The following RBL1 variants were observed in gnomAD, a reference collection of about 807,000 sequenced individuals.
RBL1 encodes the protein retinoblastoma-like protein 1.
RBL1 carries 82 observed loss-of-function variants against 123.0 expected under a neutral mutation model. The observed-to-expected ratio is 0.67, with a 90% CI of 0.56 to 0.80. The LOEUF is 0.80. Among genes scored for constraint, RBL1 ranks in the 30% least tolerant of loss-of-function variants. The probability of loss-of-function intolerance (pLI) is 0.00; values close to 1 mark genes in which losing one functional copy is unlikely to be tolerated. For synonymous variants in RBL1, 405 were observed against 441.3 expected, an observed-to-expected ratio of 0.92 and a Z score of 1.03; for missense variants, 1,171 against 1,299.6, an observed-to-expected ratio of 0.90 and a Z score of 1.52.
intron 2 of RBL1, among the ~76,000 whole-genome samples, chr20:37,084,664 C>G (rs1349206549): frequency 1.3e-5 from 2 of 152,034 alleles, no homozygotes; most frequent in Admixed American, 1.3e-4. Flanking sequence ...CACCACTACA[C>G]TCCATCCTGA....
intron 2 of RBL1, among the ~76,000 whole-genome samples, chr20:37,084,701 C>T (rs752408735): frequency 2.0e-5 from 3 of 151,592 alleles, no homozygotes; most frequent in African/African-American, 7.3e-5. Flanking sequence ...CTGTCTCAAA[C>T]AAATAAAGAG....
chr20:37,031,291 T>C (rs2064507108), intron 16 of RBL1, among the ~76,000 whole-genome samples: 1 of 152,104 alleles, frequency 6.6e-6, no homozygotes. Flanking sequence ...GTAAATAGTA[T>C]ATTTTATAGG....
chr20:37,064,101 G>C (rs1224308754), intron 7 of RBL1, among the ~76,000 whole-genome samples: 2 of 151,326 alleles, frequency 1.3e-5, no homozygotes, highest in African/African-American at 4.9e-5. Flanking sequence ...GGGATTACAG[G>C]TGTGAGCCAC....
chr20:37,035,639 C>T (rs1240768052), intron 14 of RBL1, 131 bp from the exon 15 acceptor site: 1 of 766,562 alleles, frequency 1.3e-6, no homozygotes, highest in Non-Finnish European at 2.0e-6. Context: ...GGCCTTTGCC[C>T]TCATGGAATA....
intron 20 of RBL1, among the ~76,000 whole-genome samples, 185 bp from the exon 21 acceptor site, chr20:37,004,051 A>C (rs2064030688): frequency 6.6e-6 from 1 of 151,468 alleles, no homozygotes; most frequent in South Asian, 2.1e-4. Context: ...TAGATAAACT[A>C]GAATTTATTT....
intron 10 of RBL1, 51 bp downstream of exon 10, chr20:37,056,095 G>A (rs1446968759): frequency 1.3e-6 from 2 of 1,552,022 alleles, no homozygotes; most frequent in Admixed American, 4.2e-5. Flanking sequence ...TCTAATTTTG[G>A]GGGGATTACT....
chr20:37,037,415 G>A (rs534564460), intron 14 of RBL1, among the ~76,000 whole-genome samples: 1 of 152,310 alleles, frequency 6.6e-6, no homozygotes, highest in South Asian at 2.1e-4. Context: ...TAAATTATAT[G>A]AGAGGAAGGT....
At chr20:37,013,148 G>C (rs1238662543) in intron 19 of RBL1, among the ~76,000 whole-genome samples, 2 of 152,258 alleles carry the variant, frequency 1.3e-5, no homozygotes, top group African/African-American at 4.8e-5. Flanking sequence ...AATAGAAAGG[G>C]GGGAAAGGTG....
intron 1 of RBL1, among the ~76,000 whole-genome samples, chr20:37,092,604 C>T (rs1414726424): frequency 6.6e-6 from 1 of 152,180 alleles, no homozygotes; most frequent in African/African-American, 2.4e-5. Context: ...AAGTGATCCA[C>T]CTGCCTCAGC....
In RBL1 at chr20:37,055,577, T is replaced by TC; in HGVS notation, c.1442dup (p.Arg482LysfsTer33). 6.2e-7 allele frequency: 1 copy of TC among 1,614,190 alleles called. No individual in the cohort carries two copies. The highest frequency in any genetic ancestry group is 1.1e-5 in the South Asian group (1 of 91,088). ...CTGACATGTCCATTCCATGAAGTCT[T>TC]CGTGTTTCCTGAACCATTACAGTCT... On this transcript the variant is annotated frameshift_variant, in exon 11 of 22. Coordinates refer to ENST00000373664, the MANE Select transcript of RBL1 (RefSeq NM_002895.5). LOFTEE classifies it high-confidence loss of function.
intron 13 of RBL1, among the ~76,000 whole-genome samples, chr20:37,040,499 T>G (rs2064704529): frequency 6.6e-6 from 1 of 151,992 alleles, no homozygotes; most frequent in South Asian, 2.1e-4. Flanking sequence ...ACTACAGGTG[T>G]GTGCCATCAT....
chr20:37,089,579 G>C (rs779321388), intron 1 of RBL1, among the ~76,000 whole-genome samples: 1 of 151,562 alleles, frequency 6.6e-6, no homozygotes, highest in Non-Finnish European at 1.5e-5. Flanking sequence ...AGGAGTTCAA[G>C]ACTGCAGTGA....
rs77464858 is a variant in RBL1 at position 37,079,164 on chromosome 20, C to T, written c.290+9825G>A. On this transcript the variant is annotated intron_variant, in intron 2 of 21. Coordinates refer to ENST00000373664, the MANE Select transcript of RBL1 (RefSeq NM_002895.5). ...GCAGTGAGCTGAGGTGGCACCACTG[C>T]ACTCCAGCTGATGCCACAGAGTAAG... Among the ~76,000 whole-genome samples, 380 of 144,670 alleles carry T rather than the reference C, an allele frequency of 2.6e-3. 1 individual carries two copies. The highest frequency in any genetic ancestry group is 3.9e-3 in the Non-Finnish European group (264 of 67,084). The allele number at this position is 144,670 out of a possible 152,430, so 94.9% of individuals were successfully genotyped here. A position where few individuals can be genotyped will look rare whatever the true frequency, so the allele number is the denominator to read the frequency against.
Position 37,010,923 on chromosome 20 carries a change from T to G in RBL1, c.2723-3364A>C, listed in dbSNP as rs148886404. 5.5e-4 allele frequency among the ~76,000 whole-genome samples: 84 copies of G among 152,294 alleles called. No individual in the cohort carries two copies. In the East Asian group the frequency reaches 0.014, roughly 25 times the overall value. Reference sequence around the variant, plus strand: ...CTCAAATTCCTGGATTCAAGTGATCTTCCTGCCTCAGCCTCCCAAGTAGTT... The same window carrying G: ...CTCAAATTCCTGGATTCAAGTGATCGTCCTGCCTCAGCCTCCCAAGTAGTT... On this transcript the variant is annotated intron_variant, in intron 19 of 21. Coordinates refer to ENST00000373664, the MANE Select transcript of RBL1 (RefSeq NM_002895.5).
chr20:37,046,744 G>A lies in RBL1; in HGVS notation c.1605+309C>T, dbSNP rs541843578. Among the ~76,000 whole-genome samples, 163 of 151,946 alleles carry A rather than the reference G, an allele frequency of 1.1e-3. No homozygotes were observed. In the Middle Eastern group the frequency reaches 0.017, roughly 16 times the overall value. On this transcript the variant is annotated intron_variant, in intron 12 of 21. Transcript: ENST00000373664. Reference sequence around the variant, plus strand: ...CTGCCTCAGCCTCTCAAGCAGCTGAGATTACAGGTGCTCGCCACAATGCCT... The same window carrying A: ...CTGCCTCAGCCTCTCAAGCAGCTGAAATTACAGGTGCTCGCCACAATGCCT...
chr20:37,034,373 A>G (rs951109317), intron 15 of RBL1, among the ~76,000 whole-genome samples: 4 of 152,108 alleles, frequency 2.6e-5, no homozygotes, highest in Non-Finnish European at 5.9e-5. Context: ...TGGAAAAAAA[A>G]GCATTTTTTT....
At chr20:37,088,158 G>A (rs73620267) in intron 2 of RBL1, among the ~76,000 whole-genome samples, 3 of 151,800 alleles carry the variant, frequency 2.0e-5, no homozygotes, top group African/African-American at 7.3e-5. Context: ...CCAGCTACTC[G>A]GGAGGCTGAG....
chr20:37,048,201 A>G (rs899709559), intron 11 of RBL1, among the ~76,000 whole-genome samples: 1 of 152,152 alleles, frequency 6.6e-6, no homozygotes, highest in African/African-American at 2.4e-5. Flanking sequence ...TCTAAAATAC[A>G]TAGCAACTGA....
chr20:37,051,560 C>T (rs1328350333), intron 11 of RBL1, among the ~76,000 whole-genome samples: 2 of 151,984 alleles, frequency 1.3e-5, no homozygotes, highest in African/African-American at 4.8e-5. Flanking sequence ...TATGCAAAAT[C>T]TTTAAAAAGG....
Sources: gnomAD v4.1 joint callset for allele counts (sites outside exome capture counted in the v4.1 genomes callset) on GRCh38, gnomAD v4.1.1 for gene constraint, MANE v1.5 for transcripts, NCBI Gene and HGNC (gene_info 2026-07-23, HGNC 2026-07-21) for gene names.